Variants in SCN1A observed in about 807,000 individuals in gnomAD.
The protein encoded by SCN1A is sodium voltage-gated channel alpha subunit 1.
SCN1A carries 13 observed loss-of-function variants against 193.7 expected under a neutral mutation model. The ratio of observed to expected loss-of-function variants is 0.07; its 90% CI spans 0.04 to 0.11. The LOEUF is 0.11. Among genes scored for constraint, SCN1A ranks in the 10% least tolerant of loss-of-function variants. The pLI is 1.00. For synonymous variants in SCN1A, 781 were observed against 843.6 expected (o/e 0.93, Z 1.29); for missense variants, 1,432 against 2,451.1 (o/e 0.58, Z 8.78).
At chr2:166,070,560 G>C (rs946287137) in intron 4 of SCN1A, among the ~76,000 whole-genome samples, 7 of 152,146 alleles carry the variant, frequency 4.6e-5, no homozygotes, top group African/African-American at 1.4e-4. Flanking sequence ...ACAAGAATCT[G>C]GCTGTCACTT....
intron 2 of SCN1A, chr2:166,081,444 G>A (rs1685515067): frequency 6.6e-6 from 1 of 151,840 alleles, no homozygotes; most frequent in Non-Finnish European, 1.5e-5. Flanking sequence ...GGCCTCTGTG[G>A]TTAGATCTGT....
intron 1 of SCN1A, among the ~76,000 whole-genome samples, chr2:166,134,445 G>C: frequency 6.6e-6 from 1 of 152,306 alleles, no homozygotes; most frequent in South Asian, 2.1e-4. Context: ...TGTGATGAAG[G>C]GTATGAATGC....
At chr2:166,136,040 C>T (rs1050836243) in intron 1 of SCN1A, among the ~76,000 whole-genome samples, 32 of 152,200 alleles carry the variant, frequency 2.1e-4, no homozygotes, top group African/African-American at 7.7e-4. Flanking sequence ...AATGACAGAA[C>T]CACTTTGTCT....
downstream of SCN1A, chr2:165,985,730 C>T (rs1376724066): frequency 6.6e-6 from 1 of 152,132 alleles, no homozygotes; most frequent in Non-Finnish European, 1.5e-5. Flanking sequence ...TTTGCTGCCA[C>T]ACTGATTAAA....
At chr2:166,001,939 G>C (rs2105503687) in intron 24 of SCN1A, among the ~76,000 whole-genome samples, 1 of 138,166 alleles carries the variant, frequency 7.2e-6, no homozygotes, top group South Asian at 2.2e-4. Flanking sequence ...GCCCAGGCTG[G>C]AGTGCAGTGG....
intron 19 of SCN1A, among the ~76,000 whole-genome samples, chr2:166,019,788 G>A (rs181062577): frequency 6.6e-6 from 1 of 152,224 alleles, no homozygotes; most frequent in Non-Finnish European, 1.5e-5. Flanking sequence ...TGAATGAATA[G>A]ATGAATACCT....
chr2:166,015,568 C>T lies in SCN1A; in HGVS notation c.3550+39G>A, dbSNP rs760692093. 12 of 1,610,740 alleles carry T rather than the reference C, an allele frequency of 7.4e-6. No individual in the cohort carries two copies. The East Asian group carries it at 2.7e-4, about 36-fold the overall frequency. On this transcript the variant is annotated intron_variant, in intron 20 of 28. Transcript: ENST00000674923. ...CTGACCAACAGCTAAACAAGCTGCA[C>T]TCCAAATGAAAGATTAACATTAGGA... is the stretch of plus-strand genomic sequence containing the variant.
At chr2:166,136,043 C>T (rs1334003268) in intron 1 of SCN1A, among the ~76,000 whole-genome samples, 1 of 152,206 alleles carries the variant, frequency 6.6e-6, no homozygotes, top group Non-Finnish European at 1.5e-5. Flanking sequence ...GACAGAACCA[C>T]TTTGTCTCAA....
At chr2:166,045,441 A>T in intron 12 of SCN1A, 114 bp from the exon 13 acceptor site, 1 of 1,192,368 alleles carries the variant, frequency 8.4e-7, no homozygotes, top group Non-Finnish European at 1.2e-6. Flanking sequence ...ACTGAAGATC[A>T]TCTCACAGAG....
intron 1 of SCN1A, among the ~76,000 whole-genome samples, chr2:166,144,434 G>GT (rs1692220972): frequency 6.6e-6 from 1 of 152,156 alleles, no homozygotes; most frequent in Non-Finnish European, 1.5e-5. Context: ...TTCCCATGGA[G>GT]TTTTTTGAGG....
At chr2:166,078,653 G>T (rs894712018) in intron 2 of SCN1A, among the ~76,000 whole-genome samples, 1 of 151,526 alleles carries the variant, frequency 6.6e-6, no homozygotes, top group Non-Finnish European at 1.5e-5. Flanking sequence ...AAATATAAAT[G>T]GATGGAAAGT....
In SCN1A at chr2:166,015,623, T is replaced by C; in HGVS notation, c.3534A>G (p.Glu1178=). 1.2e-6 allele frequency: 2 copies of C among 1,612,768 alleles called. No individual in the cohort carries two copies. The highest frequency in any genetic ancestry group is 2.7e-5 in the African/African-American group (2 of 75,000). Residue 1178 remains glutamate, a synonymous_variant, in exon 20 of 29, where the codon GAA becomes GAG. Transcript: ENST00000674923. ...VVEPEETLEP[E]ACFTEGCVQR... ...TTTCTTTACCTTCAGTGAAACAAGCTTCTGGTTCAAGAGTTTCTTCAGGTT... is the reference window on the plus strand; with the variant it reads ...TTTCTTTACCTTCAGTGAAACAAGCCTCTGGTTCAAGAGTTTCTTCAGGTT...
At chr2:166,109,241 GATCC>G (rs1282329944) in intron 2 of SCN1A, among the ~76,000 whole-genome samples, 2 of 152,010 alleles carry the variant, frequency 1.3e-5, no homozygotes, top group Non-Finnish European at 2.9e-5. Context: ...TGGAATTTTG[GATCC>G]TACTCTGACT....
chr2:166,130,598 G>A (rs573749728), upstream of SCN1A, among the ~76,000 whole-genome samples: 1 of 151,828 alleles, frequency 6.6e-6, no homozygotes, highest in African/African-American at 2.4e-5. Context: ...TTTTTCTTTT[G>A]TTAATTATAG....
In SCN1A at chr2:166,007,150, C is replaced by G. The variant is rs1327853203; in HGVS notation, c.4002+2569G>C. ...CCCTACTGTGGTGCAATAATAGTACCCTTCCCAATCCCTCCCTCACCCCAC... is the reference window on the plus strand; with the variant it reads ...CCCTACTGTGGTGCAATAATAGTACGCTTCCCAATCCCTCCCTCACCCCAC... On this transcript the variant is annotated intron_variant, in intron 23 of 28. Coordinates refer to ENST00000674923, the MANE Select transcript of SCN1A (RefSeq NM_001165963.4). 1.3e-5 allele frequency: 2 copies of G among 150,310 alleles called. No individual in the cohort carries two copies. Among genetic ancestry groups the G allele is most frequent in the African/African-American group, 4.9e-5 (2 of 41,014 alleles). The allele number at this position is 150,310 out of a possible 1,614,324, so 9.3% of individuals were successfully genotyped here.
At chr2:166,147,527 G>A (rs1250470920) in intron 1 of SCN1A, among the ~76,000 whole-genome samples, 4 of 152,092 alleles carry the variant, frequency 2.6e-5, no homozygotes, top group Admixed American at 1.3e-4. Flanking sequence ...TTATCTGAAA[G>A]ATATATAAAC....
chr2:166,062,036 T>C (rs949585983), intron 4 of SCN1A, among the ~76,000 whole-genome samples: 4 of 152,192 alleles, frequency 2.6e-5, no homozygotes, highest in Admixed American at 6.5e-5. Context: ...GTAAGGTTTT[T>C]ACTGAACAAC....
chr2:166,000,587 A>G (rs1490941188), intron 24 of SCN1A, among the ~76,000 whole-genome samples: 2 of 151,736 alleles, frequency 1.3e-5, no homozygotes, highest in Admixed American at 1.3e-4. Context: ...CTGTATCACA[A>G]TATATCTTTG....
At chr2:166,048,152 G>A (rs1431572824) in intron 10 of SCN1A, among the ~76,000 whole-genome samples, 1 of 151,924 alleles carries the variant, frequency 6.6e-6, no homozygotes, top group African/African-American at 2.4e-5. Context: ...CTTTTTGTAT[G>A]TTTGCTGTTA....
Sources: gnomAD v4.1 joint callset for allele counts (sites outside exome capture counted in the v4.1 genomes callset) on GRCh38, gnomAD v4.1.1 for gene constraint, MANE v1.5 for transcripts, NCBI Gene and HGNC (gene_info 2026-07-23, HGNC 2026-07-21) for gene names.